CNTN5: variants seen among roughly 807,000 people sequenced by gnomAD.
CNTN5 encodes the protein contactin-5.
In CNTN5, 77 loss-of-function variants were observed where a neutral mutation model predicts 129.1. That is an observed-to-expected ratio of 0.60 (90% CI 0.50 to 0.72). The LOEUF is 0.72. CNTN5 is among the 30% of genes least tolerant of loss of function. The probability of loss-of-function intolerance (pLI) is 0.00; values close to 1 mark genes in which losing one functional copy is unlikely to be tolerated. For synonymous variants in CNTN5, 509 were observed against 465.6 expected (o/e 1.09, Z -1.20); for missense variants, 1,478 against 1,328.8 (o/e 1.11, Z -1.75).
intron 3 of CNTN5, among the ~76,000 whole-genome samples, chr11:99,723,537 A>C (rs7110586): frequency 0.056 from 8,561 of 152,042 alleles, 598 homozygotes; most frequent in African/African-American, 0.16. Context: ...CTACCACCAC[A>C]CCTATCTTGC....
At chr11:99,963,237 CCT>C (rs1028704061) in intron 8 of CNTN5, among the ~76,000 whole-genome samples, 5 of 152,132 alleles carry the variant, frequency 3.3e-5, no homozygotes, top group Non-Finnish European at 7.4e-5. Context: ...CTTGCCCATG[CCT>C]GTGTCCTGAA....
At chr11:100,278,198 G>C (rs1950557614) in intron 18 of CNTN5, among the ~76,000 whole-genome samples, 1 of 152,070 alleles carries the variant, frequency 6.6e-6, no homozygotes, top group Admixed American at 6.6e-5. Context: ...GGGCCATGCT[G>C]TTTTTATCAC....
intron 7 of CNTN5, among the ~76,000 whole-genome samples, chr11:99,934,991 T>A (rs1184307458): frequency 1.4e-5 from 2 of 146,022 alleles, no homozygotes; most frequent in Non-Finnish European, 3.0e-5. Context: ...CAATACAAAT[T>A]ACAAATGTTT....
intron 1 of CNTN5, among the ~76,000 whole-genome samples, chr11:99,208,304 C>T (rs1551779): frequency 0.34 from 51,920 of 151,916 alleles, 9,313 homozygotes; most frequent in Middle Eastern, 0.5. Flanking sequence ...ATTACATTTA[C>T]AGTGCCTTTT....
chr11:99,268,046 G>A (rs748888424), intron 1 of CNTN5, among the ~76,000 whole-genome samples: 3 of 124,308 alleles, frequency 2.4e-5, no homozygotes, highest in Non-Finnish European at 3.7e-5. Flanking sequence ...TTTAGTTAAG[G>A]TATGTGGCAG....
intron 10 of CNTN5, 33 bp downstream of exon 10, chr11:100,061,426 G>A: frequency 2.1e-6 from 3 of 1,439,462 alleles, no homozygotes; most frequent in South Asian, 1.4e-5. Context: ...GATTGCTCTA[G>A]TCCCAAAAGT....
intron 3 of CNTN5, among the ~76,000 whole-genome samples, chr11:99,776,665 C>A (rs1391749153): frequency 6.6e-6 from 1 of 151,508 alleles, no homozygotes; most frequent in African/African-American, 2.4e-5. Flanking sequence ...CTTTCAATGG[C>A]CTAGTGGTGC....
intron 1 of CNTN5, among the ~76,000 whole-genome samples, chr11:99,057,785 AGTGTGTGTGTGTGT>A (rs67721084): frequency 6.9e-6 from 1 of 144,914 alleles, no homozygotes; most frequent in Non-Finnish European, 1.5e-5. Flanking sequence ...ATGAAACATA[AGTGTGTGTGTGTGT>A]GTGTGTGTGT....
intron 2 of CNTN5, among the ~76,000 whole-genome samples, chr11:99,491,988 C>G (rs1010105058): frequency 6.6e-6 from 1 of 152,098 alleles, no homozygotes; most frequent in African/African-American, 2.4e-5. Flanking sequence ...AACTTGAAGC[C>G]TGATTCCTGC....
chr11:99,469,787 T>C (rs1036974357), intron 2 of CNTN5, among the ~76,000 whole-genome samples: 1 of 152,144 alleles, frequency 6.6e-6, no homozygotes, highest in Non-Finnish European at 1.5e-5. Flanking sequence ...TAAATATCTA[T>C]GTACCTTTAA....
intron 3 of CNTN5, among the ~76,000 whole-genome samples, chr11:99,646,434 T>A (rs1396917604): frequency 2.0e-5 from 3 of 152,180 alleles, no homozygotes; most frequent in Non-Finnish European, 2.9e-5. Flanking sequence ...CCATGCTTTT[T>A]TCTACAATCT....
intron 1 of CNTN5, among the ~76,000 whole-genome samples, chr11:99,291,593 A>G (rs977692808): frequency 6.6e-6 from 1 of 152,166 alleles, no homozygotes; most frequent in Middle Eastern, 3.4e-3. Flanking sequence ...GTGACATTAA[A>G]ATAAAAGTGT....
chr11:99,199,806 A>G (rs1250260891), intron 1 of CNTN5, among the ~76,000 whole-genome samples: 1 of 152,206 alleles, frequency 6.6e-6, no homozygotes, highest in African/African-American at 2.4e-5. Flanking sequence ...AGAAACTGCA[A>G]AGTCACACAG....
chr11:99,228,097 T>C (rs1014848321), intron 1 of CNTN5, among the ~76,000 whole-genome samples: 1 of 152,156 alleles, frequency 6.6e-6, no homozygotes, highest in African/African-American at 2.4e-5. Context: ...AGAATTACGT[T>C]ATATATTCTG....
At chr11:99,845,025 C>G in intron 5 of CNTN5, 50 bp downstream of exon 5, 2 of 1,608,194 alleles carry the variant, frequency 1.2e-6, no homozygotes, top group Non-Finnish European at 1.7e-6. Context: ...AACTTTCCAT[C>G]AATGATATTC....
intron 16 of CNTN5, among the ~76,000 whole-genome samples, chr11:100,242,720 G>A (rs962592787): frequency 2.0e-5 from 3 of 152,104 alleles, no homozygotes; most frequent in South Asian, 2.1e-4. Context: ...CAGACCCTAC[G>A]TCCAACAATA....
In CNTN5 at chr11:99,163,720, A is replaced by G. The variant is rs535229827; in HGVS notation, c.-210+142450A>G. Among the ~76,000 whole-genome samples the G allele has an allele frequency of 2.0e-5, 3 of 152,324 alleles. No homozygotes were observed. In the East Asian group the frequency reaches 5.8e-4, roughly 29 times the overall value. On this transcript the variant is annotated intron_variant, in intron 1 of 24. Transcript: ENST00000524871. The stretch of plus-strand genomic sequence containing the variant: ...AGTTTCAGATTTTAATAATCCATAT[A>G]AGAATTACTAGACATGCTATACATT...
intron 7 of CNTN5, among the ~76,000 whole-genome samples, chr11:99,951,780 A>C (rs991647350): frequency 1.3e-5 from 2 of 152,156 alleles, no homozygotes; most frequent in Non-Finnish European, 2.9e-5. Context: ...AACAACAAGC[A>C]TCCTCTCTGA....
intron 3 of CNTN5, among the ~76,000 whole-genome samples, chr11:99,802,948 A>C (rs1946158695): frequency 6.6e-6 from 1 of 152,022 alleles, no homozygotes; most frequent in Admixed American, 6.6e-5. Flanking sequence ...TGTTTTGAAC[A>C]CCTGGAGACC....
Sources: allele counts gnomAD v4.1 joint callset (sites outside exome capture counted in the v4.1 genomes callset), GRCh38; gene constraint gnomAD v4.1.1; transcripts MANE v1.5; gene names NCBI Gene and HGNC (gene_info 2026-07-23, HGNC 2026-07-21).